The following PEX7 variants were observed in gnomAD, a reference collection of about 807,000 sequenced individuals.
PEX7 encodes peroxisomal biogenesis factor 7, also known as PTS2 receptor.
A neutral mutation model predicts 47.5 loss-of-function variants in PEX7; 34 were observed. The ratio of observed to expected loss-of-function variants is 0.72; its 90% CI spans 0.54 to 0.95. The LOEUF (loss-of-function observed/expected upper bound fraction) is 0.95. Among genes scored for constraint, PEX7 ranks in the 40% least tolerant of loss-of-function variants. The pLI, the probability that PEX7 is intolerant of heterozygous loss-of-function variation, is 0.00. For synonymous variants in PEX7, 141 were observed against 148.8 expected (o/e 0.95, Z 0.38); for missense variants, 394 against 400.3 (o/e 0.98, Z 0.13).
intron 6 of PEX7, among the ~76,000 whole-genome samples, chr6:136,867,956 C>A (rs1301232268): frequency 1.3e-5 from 2 of 151,176 alleles, no homozygotes; most frequent in African/African-American, 4.9e-5. Context: ...CACTGACTCA[C>A]CCAGAGTAAT....
chr6:136,839,758 T>G (rs1313960800), intron 3 of PEX7, among the ~76,000 whole-genome samples: 1 of 152,230 alleles, frequency 6.6e-6, no homozygotes, highest in Non-Finnish European at 1.5e-5. Context: ...TTTCCTTCAT[T>G]CATTCCAGAA....
chr6:136,898,786 T>C (rs1775697613), intron 9 of PEX7, among the ~76,000 whole-genome samples: 2 of 152,160 alleles, frequency 1.3e-5, no homozygotes, highest in Non-Finnish European at 2.9e-5. Context: ...AGTAGACACT[T>C]TGGACTTTAA....
intron 6 of PEX7, 59 bp from the exon 7 acceptor site, chr6:136,869,818 TCTAGTAGGAAAGC>T: frequency 9.2e-7 from 1 of 1,087,304 alleles, no homozygotes; most frequent in Non-Finnish European, 1.4e-6. Flanking sequence ...AGATGTTGTT[TCTAGTAGGAAAGC>T]CTGCATACTG....
chr6:136,911,744 A>G (rs1480035396), intron 9 of PEX7, among the ~76,000 whole-genome samples: 1 of 152,212 alleles, frequency 6.6e-6, no homozygotes, highest in African/African-American at 2.4e-5. Flanking sequence ...TGAAGTTGCT[A>G]TGAACATTCG....
At chr6:136,893,590 C>T (rs1422188185) in intron 8 of PEX7, among the ~76,000 whole-genome samples, 1 of 152,174 alleles carries the variant, frequency 6.6e-6, no homozygotes, top group Non-Finnish European at 1.5e-5. Flanking sequence ...GTGCTTAGCA[C>T]CTACCTGGCA....
intron 8 of PEX7, among the ~76,000 whole-genome samples, chr6:136,895,317 G>A (rs1319163612): frequency 6.6e-6 from 1 of 152,064 alleles, no homozygotes; most frequent in Non-Finnish European, 1.5e-5. Context: ...ATACCGTTTA[G>A]CATTTGGTTT....
chr6:136,849,292 CA>C (rs1774691947), intron 5 of PEX7, among the ~76,000 whole-genome samples: 2 of 151,924 alleles, frequency 1.3e-5, no homozygotes, highest in East Asian at 1.9e-4. Flanking sequence ...TTGATCTTTT[CA>C]AAAAACCAGC....
chr6:136,875,170 T>TTA (rs1775249305), intron 8 of PEX7, among the ~76,000 whole-genome samples: 1 of 151,808 alleles, frequency 6.6e-6, no homozygotes, highest in Non-Finnish European at 1.5e-5. Flanking sequence ...TTTTTTTTTT[T>TTA]ATTAATCACT....
chr6:136,902,629 C>T (rs535552190), intron 9 of PEX7, among the ~76,000 whole-genome samples: 26 of 151,456 alleles, frequency 1.7e-4, no homozygotes, highest in South Asian at 1.0e-3. Context: ...TTTATCTTTT[C>T]TTTCTTATCC....
intron 8 of PEX7, among the ~76,000 whole-genome samples, chr6:136,877,081 A>G (rs1337870416): frequency 6.6e-6 from 1 of 152,116 alleles, no homozygotes; most frequent in African/African-American, 2.4e-5. Context: ...GCATTTCTCT[A>G]ATGACTGGTG....
chr6:136,913,777 A>G lies in PEX7; in HGVS notation c.*251A>G, dbSNP rs113455358. On this transcript the variant is annotated 3_prime_UTR_variant, in exon 10 of 10. Transcript: ENST00000318471. Reference sequence around the variant, plus strand: ...TATGATATATCTTGTAGTATCTATTAAAATGTCTCTGGGTCATAAAATGGA... The same window carrying G: ...TATGATATATCTTGTAGTATCTATTGAAATGTCTCTGGGTCATAAAATGGA... 5.4e-5 allele frequency: 24 copies of G among 445,382 alleles called. No individual in the cohort carries two copies. The highest frequency in any genetic ancestry group is 5.1e-4 in the African/African-American group (21 of 41,078). The allele number at this position is 445,382 out of a possible 1,614,324, so 27.6% of individuals were successfully genotyped here.
At chr6:136,888,328 G>A (rs981330242) in intron 8 of PEX7, among the ~76,000 whole-genome samples, 29 of 152,020 alleles carry the variant, frequency 1.9e-4, no homozygotes, top group Admixed American at 5.9e-4. Flanking sequence ...GAAATCATGT[G>A]GCTAATGATA....
intron 8 of PEX7, among the ~76,000 whole-genome samples, chr6:136,897,696 A>C (rs58248997): frequency 6.6e-6 from 1 of 152,214 alleles, no homozygotes; most frequent in Non-Finnish European, 1.5e-5. Context: ...AAGATCTTTC[A>C]TGTCAATTGT....
chr6:136,826,225 T>C (rs1245617412), intron 2 of PEX7, 94 bp from the exon 3 acceptor site: 2 of 1,382,934 alleles, frequency 1.4e-6, no homozygotes, highest in Non-Finnish European at 2.0e-6. Context: ...TGTGATAAAT[T>C]GAAAGAAAAA....
chr6:136,903,224 A>G (rs1775783427), intron 9 of PEX7, among the ~76,000 whole-genome samples: 1 of 152,196 alleles, frequency 6.6e-6, no homozygotes, highest in Non-Finnish European at 1.5e-5. Context: ...CTTGCATTCC[A>G]GAAGCCTCTT....
chr6:136,861,736 G>A (rs1774967041), intron 5 of PEX7, among the ~76,000 whole-genome samples: 1 of 151,480 alleles, frequency 6.6e-6, no homozygotes, highest in Non-Finnish European at 1.5e-5. Context: ...AAAGGGAAGG[G>A]CTGTTTGAAA....
intron 9 of PEX7, among the ~76,000 whole-genome samples, chr6:136,899,269 T>C (rs552463238): frequency 4.4e-4 from 63 of 143,912 alleles, no homozygotes; most frequent in African/African-American, 1.1e-3. Flanking sequence ...TTTGACAGAG[T>C]TTTTGCTCTG....
At chr6:136,826,693 A>C (rs1774199520) in intron 3 of PEX7, among the ~76,000 whole-genome samples, 1 of 151,946 alleles carries the variant, frequency 6.6e-6, no homozygotes. Context: ...CTCATTAGGC[A>C]GAAAGAACAC....
At chr6:136,887,132 A>G (rs1429393327) in intron 8 of PEX7, among the ~76,000 whole-genome samples, 2 of 152,166 alleles carry the variant, frequency 1.3e-5, no homozygotes, top group Non-Finnish European at 2.9e-5. Context: ...CTAAATTATT[A>G]TGTATTACCT....
Sources: gnomAD v4.1 joint callset for allele counts (sites outside exome capture counted in the v4.1 genomes callset) on GRCh38, gnomAD v4.1.1 for gene constraint, MANE v1.5 for transcripts, NCBI Gene and HGNC (gene_info 2026-07-23, HGNC 2026-07-21) for gene names.